The following TRIM64C variants were observed in gnomAD, a reference collection of about 807,000 sequenced individuals.
TRIM64C encodes the protein tripartite motif-containing protein 64C.
A neutral mutation model predicts 36.1 loss-of-function variants in TRIM64C; 25 were observed. The ratio of observed to expected loss-of-function variants is 0.69; its 90% CI spans 0.51 to 0.97. The LOEUF (loss-of-function observed/expected upper bound fraction) is 0.97, where lower values mean the gene tolerates loss of function less well. Ranked by LOEUF, TRIM64C falls within the 50% of genes least tolerant of loss-of-function variation. The probability of loss-of-function intolerance (pLI) is 0.00; values close to 1 mark genes in which losing one functional copy is unlikely to be tolerated. For synonymous variants in TRIM64C, 212 were observed against 185.7 expected (o/e 1.14, Z -1.15); for missense variants, 489 against 536.8 (o/e 0.91, Z 0.88).
At chr11:49,058,223 C>A in intron 1 of TRIM64C, 51 bp from the exon 2 acceptor site, 1 of 1,211,736 alleles carries the variant, frequency 8.3e-7, no homozygotes, top group Non-Finnish European at 1.1e-6. Flanking sequence ...TAGATCTTAT[C>A]CCTTTATCAA....
chr11:49,058,212 G>A (rs1219455223), intron 1 of TRIM64C, 40 bp from the exon 2 acceptor site: 3 of 1,292,830 alleles, frequency 2.3e-6, no homozygotes, highest in Non-Finnish European at 3.2e-6. Context: ...GATGAAGACA[G>A]TAGATCTTAT....
At chr11:49,057,026 G>T in intron 3 of TRIM64C, 122 bp downstream of exon 3, 2 of 1,294,976 alleles carry the variant, frequency 1.5e-6, no homozygotes, top group East Asian at 5.0e-5. Context: ...TGTAATGGTG[G>T]AAGTCACACA....
At chr11:49,054,301 A>G in intron 5 of TRIM64C, 94 bp from the exon 6 acceptor site, 1 of 1,421,720 alleles carries the variant, frequency 7.0e-7, no homozygotes, top group East Asian at 2.5e-5. Context: ...TTCCAAGGAA[A>G]TACAGAAAAA....
At chr11:49,057,077 A>G in intron 3 of TRIM64C, 71 bp downstream of exon 3, 1 of 1,522,866 alleles carries the variant, frequency 6.6e-7, no homozygotes, top group Non-Finnish European at 8.9e-7. Flanking sequence ...TATGCTGATG[A>G]CATTTGCATG....
chr11:49,055,862 G>A (rs865864053), intron 4 of TRIM64C, among the ~76,000 whole-genome samples: 3 of 152,168 alleles, frequency 2.0e-5, no homozygotes, highest in Non-Finnish European at 2.9e-5. Flanking sequence ...ATTCCAGCCT[G>A]AGAACCCTGC....
chr11:49,057,844 C>A (rs1366437567), intron 2 of TRIM64C: 9 of 513,102 alleles, frequency 1.8e-5, no homozygotes, highest in Non-Finnish European at 2.8e-5. Flanking sequence ...TTTATGCCAA[C>A]CTTCAAATTT....
chr11:49,056,463 T>G (rs987979346), intron 3 of TRIM64C, 82 bp from the exon 4 acceptor site: 67 of 1,158,430 alleles, frequency 5.8e-5, no homozygotes, highest in Non-Finnish European at 8.2e-5. Context: ...TTCTTTCTGT[T>G]TTAGTGTTTT....
In TRIM64C at chr11:49,057,132, G is replaced by A. The variant is rs758690817; in HGVS notation, c.738+16C>T. 3 of 1,549,068 alleles carry A rather than the reference G, an allele frequency of 1.9e-6. No individual in the cohort carries two copies. Among genetic ancestry groups the A allele is most frequent in the Admixed American group, 3.9e-5 (2 of 50,972 alleles). On this transcript the variant is annotated intron_variant, in intron 3 of 5. Transcript: ENST00000617704. ...CAAAGGCTTCCTGTCTCTGAGGATG[G>A]ACCCTCCCTCCTCACCTGGAGCAGC...
At chr11:49,057,890 A>G in intron 2 of TRIM64C, 188 bp downstream of exon 2, 1 of 541,348 alleles carries the variant, frequency 1.8e-6, no homozygotes, top group South Asian at 1.9e-5. Flanking sequence ...TATCCAATAT[A>G]CTAGAATTAA....
chr11:49,056,314 A>G (rs1854813288), intron 4 of TRIM64C, 45 bp downstream of exon 4: 2 of 1,457,804 alleles, frequency 1.4e-6, no homozygotes, highest in Non-Finnish European at 1.9e-6. Context: ...CATTCACAAG[A>G]GAACAAATTT....
In TRIM64C at chr11:49,057,297, G is replaced by A. The variant is rs777863255; in HGVS notation, c.589C>T (p.His197Tyr). 4 of 1,549,786 alleles carry A rather than the reference G, an allele frequency of 2.6e-6. No individual in the cohort carries two copies. In the South Asian group the frequency reaches 4.8e-5, roughly 18 times the overall value. Reference sequence around the variant, plus strand: ...GCTTCTCTTTCCAGTGCCTGCAGATGCCGTTGCTCCTCCTCATCGAGAAAT... The same window carrying A: ...GCTTCTCTTTCCAGTGCCTGCAGATACCGTTGCTCCTCCTCATCGAGAAAT... The part of the protein sequence containing the change: ...HIFLDEEEQR[H>Y]LQALEREAKE... The change falls in exon 3 of 6, where the codon CAT becomes TAT. Residue 197 changes from histidine (H) to tyrosine (Y), a missense_variant. By Grantham distance (83) the His-to-Tyr change is moderately conservative. Coordinates refer to ENST00000617704, the MANE Select transcript of TRIM64C (RefSeq NM_001206631.1).
rs1171017172 is a variant in TRIM64C at position 49,058,068 on chromosome 11, C to T, written c.507+10G>A. The T allele has an allele frequency of 8.0e-6, 12 of 1,496,034 alleles. No individual in the cohort carries two copies. In the East Asian group the frequency reaches 2.5e-4, roughly 31 times the overall value. The allele number at this position is 1,496,034 out of a possible 1,614,324, so 92.7% of individuals were successfully genotyped here. A position where few individuals can be genotyped will look rare whatever the true frequency, so the allele number is the denominator to read the frequency against. ...TGCATAAAAACAAAGGAAACATTTT[C>T]ATTCTTAACCACTAATGAACAAAAT... On this transcript the variant is annotated intron_variant, in intron 2 of 5. Coordinates refer to ENST00000617704, the MANE Select transcript of TRIM64C (RefSeq NM_001206631.1).
chr11:49,054,572 T>C (rs1854791252), intron 5 of TRIM64C, among the ~76,000 whole-genome samples: 2 of 152,224 alleles, frequency 1.3e-5, no homozygotes, highest in African/African-American at 4.8e-5. Context: ...TTTGCTGTGA[T>C]GTGAGTATTT....
chr11:49,056,374 C>A lies in TRIM64C; in HGVS notation c.746G>T (p.Gly249Val). The change falls in exon 4 of 6, where the codon GGA (glycine) becomes GTA (valine). Residue 249 changes from glycine to valine, a missense_variant. Coordinates refer to ENST00000617704, the MANE Select transcript of TRIM64C (RefSeq NM_001206631.1). Reference protein sequence around the residue: ...MPDVELLQDVGNISARTDLAQ... With the variant: ...MPDVELLQDVVNISARTDLAQ... Reference sequence around the variant, plus strand: ...GTAAACTCACCTTGCCGATATATTTCCCACATCCTGCAAAAAAAATAAAAT... The same window carrying A: ...GTAAACTCACCTTGCCGATATATTTACCACATCCTGCAAAAAAAATAAAAT... 6.5e-7 allele frequency: 1 copy of A among 1,542,534 alleles called. No homozygotes were observed. Among genetic ancestry groups the A allele is most frequent in the Non-Finnish European group, 8.8e-7 (1 of 1,141,316 alleles).
chr11:49,055,424 G>A lies in TRIM64C; in HGVS notation c.762-17C>T, dbSNP rs777136288. On this transcript the variant is annotated splice_polypyrimidine_tract_variant and intron_variant, in intron 4 of 5. Transcript: ENST00000617704. ...AAATCAGTTCTGCAAAAAAAAAATGGCCTCAGTTATATTTCCAGGACCAGA... is the reference window on the plus strand; with the variant it reads ...AAATCAGTTCTGCAAAAAAAAAATGACCTCAGTTATATTTCCAGGACCAGA... 3 of 1,457,158 alleles carry A rather than the reference G, an allele frequency of 2.1e-6. No homozygotes were observed. Among genetic ancestry groups the A allele is most frequent in the Admixed American group, 2.0e-5 (1 of 49,614 alleles). 90.3% of individuals were successfully genotyped at this position (1,457,158 alleles called of 1,614,324 possible). A position where few individuals can be genotyped will look rare whatever the true frequency, so the allele number is the denominator to read the frequency against.
At chr11:49,055,476 T>C in intron 4 of TRIM64C, 69 bp from the exon 5 acceptor site, 1 of 1,509,546 alleles carries the variant, frequency 6.6e-7, no homozygotes, top group South Asian at 1.2e-5. Context: ...TATGAAGATA[T>C]CATATTTTCA....
rs183071797 is a variant in TRIM64C at position 49,054,018 on chromosome 11, G to A, written c.1049C>T (p.Ser350Phe). The A allele has an allele frequency of 3.2e-6, 5 of 1,551,592 alleles. No individual in the cohort carries two copies. In the Admixed American group the frequency reaches 7.8e-5, roughly 24 times the overall value. Residue 350 changes from serine (S) to phenylalanine (F), a missense_variant, in exon 6 of 6, where the codon TCC becomes TTC. Coordinates refer to ENST00000617704, the MANE Select transcript of TRIM64C (RefSeq NM_001206631.1). ...ACAGACTCCCAGAATCCAGTTGGAG[G>A]AGTGGGTCACATCCACTTCCCAGTA... ...KHYWEVDVTH[S>F]SNWILGVCRD...
Position 49,057,274 on chromosome 11 carries a change from TTC to T in TRIM64C, c.610_611del (p.Glu204SerfsTer37), listed in dbSNP as rs1271788830. On this transcript the variant is annotated frameshift_variant, in exon 3 of 6. Transcript: ENST00000617704. LOFTEE classifies it high-confidence loss of function. ...EQRHLQALEREAKELFQQLQD... is the reference protein window; with the variant it reads ...EQRHLQALERXAKELFQQLQD... Reference sequence around the variant, plus strand: ...GTAGTTGTTGGAAAAGCTCTTTTGCTTCTCTTTCCAGTGCCTGCAGATGCCGT... The same window carrying T: ...GTAGTTGTTGGAAAAGCTCTTTTGCTTCTTTCCAGTGCCTGCAGATGCCGT... The T allele has an allele frequency of 6.5e-6, 10 of 1,549,796 alleles. No individual in the cohort carries two copies. In the South Asian group the frequency reaches 1.2e-4, roughly 18 times the overall value.
At chr11:49,058,577 T>A (rs1590645275) in intron 1 of TRIM64C, 124 bp downstream of exon 1, 2 of 1,480,284 alleles carry the variant, frequency 1.4e-6, no homozygotes, top group East Asian at 2.5e-5. Context: ...CACATTTATG[T>A]GTTATGATTG....
Sources: allele counts gnomAD v4.1 joint callset (sites outside exome capture counted in the v4.1 genomes callset), GRCh38; gene constraint gnomAD v4.1.1; transcripts MANE v1.5; gene names NCBI Gene and HGNC (gene_info 2026-07-23, HGNC 2026-07-21).